ZBTB47: variants seen among roughly 807,000 people sequenced by gnomAD.
ZBTB47 encodes zinc finger and BTB domain containing 47.
ZBTB47 carries 24 observed loss-of-function variants against 56.6 expected under a neutral mutation model. The observed-to-expected ratio is 0.42, with a 90% CI of 0.31 to 0.60. ZBTB47 has a LOEUF of 0.60. ZBTB47 is among the 20% of genes least tolerant of loss of function. The pLI, the probability that ZBTB47 is intolerant of heterozygous loss-of-function variation, is 0.14. For synonymous variants in ZBTB47, 414 were observed against 418.9 expected (o/e 0.99, Z 0.14); for missense variants, 829 against 1,032.6 (o/e 0.80, Z 2.70).
chr3:42,664,326 A>C lies in ZBTB47; in HGVS notation c.1972A>C (p.Lys658Gln). The stretch of plus-strand genomic sequence containing the variant: ...GCACCGGCGCACGCACACGGGCGAG[A>C]AGCCGTACCCGTGCGACGTGTGTGG... ...KRHRRTHTGE[K>Q]PYPCDVCGQR... Residue 658 changes from lysine to glutamine, a missense_variant, in exon 6 of 6, where the codon AAG becomes CAG. Lys to Gln is a moderately conservative substitution (Grantham distance 53). Transcript: ENST00000232974. 6.2e-7 allele frequency: 1 copy of C among 1,613,246 alleles called. No homozygotes were observed. Among genetic ancestry groups the C allele is most frequent in the Non-Finnish European group, 8.5e-7 (1 of 1,179,744 alleles).
rs1045103349 is a variant in ZBTB47 at position 42,663,951 on chromosome 3, C to T, written c.1882+10C>T. On this transcript the variant is annotated intron_variant, in intron 5 of 5. Coordinates refer to ENST00000232974, the MANE Select transcript of ZBTB47 (RefSeq NM_145166.4). The surrounding 1 kb of genome is among the most constrained non-coding windows in gnomAD (Gnocchi z 5.1). Reference sequence around the variant, plus strand: ...ATGAAGACCCACACAGGTGCGGCTGCCCCTGGGGACGGAGCTCGGTGCCGG... The same window carrying T: ...ATGAAGACCCACACAGGTGCGGCTGTCCCTGGGGACGGAGCTCGGTGCCGG... The T allele has an allele frequency of 5.0e-6, 8 of 1,605,610 alleles. No individual in the cohort carries two copies. The highest frequency in any genetic ancestry group is 1.7e-5 in the Admixed American group (1 of 59,324).
chr3:42,653,640 G>C (rs1710596021), upstream of ZBTB47: 1 of 152,492 alleles, frequency 6.6e-6, no homozygotes, highest in Non-Finnish European at 1.5e-5. Context: ...GTCCATGCCA[G>C]AGCAGCATTC....
rs1261435205 is a variant in ZBTB47 at position 42,664,909 on chromosome 3, G to A, written c.*311G>A. 3 of 228,600 alleles carry A rather than the reference G, an allele frequency of 1.3e-5. No individual in the cohort carries two copies. The highest frequency in any genetic ancestry group is 8.7e-5 in the East Asian group (1 of 11,434). 14.2% of individuals were successfully genotyped at this position (228,600 alleles called of 1,614,324 possible). On this transcript the variant is annotated 3_prime_UTR_variant, in exon 6 of 6. Coordinates refer to ENST00000232974, the MANE Select transcript of ZBTB47 (RefSeq NM_145166.4). ...ACAGCACTCCCCTCCAGGTGAGGGG[G>A]GTGCTGGGGGTCTGCAGCAGAAAGA...
intron 2 of ZBTB47, among the ~76,000 whole-genome samples, chr3:42,661,035 G>A (rs1559607717): frequency 6.6e-6 from 1 of 152,176 alleles, no homozygotes; most frequent in Admixed American, 6.5e-5. Flanking sequence ...TCCTCTTGGC[G>A]ATATTCATGG....
chr3:42,665,789 G>A lies in ZBTB47; in HGVS notation c.*1191G>A, dbSNP rs11129967. 0.24 allele frequency: 36,594 copies of A among 152,632 alleles called. 5,004 individuals are homozygous for A. Among genetic ancestry groups the A allele is most frequent in the East Asian group, 0.39 (2,021 of 5,166 alleles). The allele number at this position is 152,632 out of a possible 1,614,324, so 9.5% of individuals were successfully genotyped here. A position where few individuals can be genotyped will look rare whatever the true frequency, so the allele number is the denominator to read the frequency against. ...GGGGGATTGGGGGGACTGGGGAGGC[G>A]CAGCCTAGACCCAATTGCTTGCCCC... is the stretch of plus-strand genomic sequence containing the variant. On this transcript the variant is annotated 3_prime_UTR_variant, in exon 6 of 6. Transcript: ENST00000232974.
At chr3:42,655,563 G>A (rs1468124793) in intron 1 of ZBTB47, among the ~76,000 whole-genome samples, 3 of 152,228 alleles carry the variant, frequency 2.0e-5, no homozygotes, top group Admixed American at 6.5e-5. Context: ...CACCTCCCTG[G>A]TCCTGCATCT....
chr3:42,658,445 A>C lies in ZBTB47; in HGVS notation c.90A>C (p.Ala30=), dbSNP rs1272339661. Residue 30 remains alanine (A), a synonymous_variant, in exon 2 of 6, where the codon GCA becomes GCC. Coordinates refer to ENST00000232974, the MANE Select transcript of ZBTB47 (RefSeq NM_145166.4). Reference sequence around the variant, plus strand: ...TGCCCCAGCGCAGCGTCTTTCCGGCACACAAGGGTGTGCTAGCCGCCTACA... The same window carrying C: ...TGCCCCAGCGCAGCGTCTTTCCGGCCCACAAGGGTGTGCTAGCCGCCTACA... The part of the protein sequence containing the change: ...VLVPQRSVFP[A]HKGVLAAYSQ... 6.5e-7 allele frequency: 1 copy of C among 1,536,976 alleles called. No homozygotes were observed. The highest frequency in any genetic ancestry group is 8.7e-7 in the Non-Finnish European group (1 of 1,146,914).
In ZBTB47 at chr3:42,664,719, T is replaced by A; in HGVS notation, c.*121T>A. ...CTGGGCCCTGCTCCACCTCCAGAAG[T>A]GGCTGGATGTACCCTGCCTGAGGCC... On this transcript the variant is annotated 3_prime_UTR_variant, in exon 6 of 6. Transcript: ENST00000232974. The A allele has an allele frequency of 8.3e-7, 1 of 1,204,932 alleles. No homozygotes were observed. Among genetic ancestry groups the A allele is most frequent in the Non-Finnish European group, 1.1e-6 (1 of 940,126 alleles). 74.6% of individuals were successfully genotyped at this position (1,204,932 alleles called of 1,614,324 possible).
In ZBTB47 at chr3:42,663,093, T is replaced by A. The variant is rs1194163145; in HGVS notation, c.1703T>A (p.Leu568Gln). Residue 568 changes from leucine to glutamine, a missense_variant, in exon 4 of 6, where the codon CTG becomes CAG. By Grantham distance (113) the Leu-to-Gln change is moderately radical. Coordinates refer to ENST00000232974, the MANE Select transcript of ZBTB47 (RefSeq NM_145166.4). The surrounding 1 kb of genome is among the most constrained non-coding windows in gnomAD (Gnocchi z 5.1). ...KRSMSLKVHSLQHSGEKPFRC... is the reference protein window; with the variant it reads ...KRSMSLKVHSQQHSGEKPFRC... ...AGCATGTCCCTCAAGGTGCACTCAC[T>A]GCAGCACTCAGGGGAGAAGCCGTTC... 6.2e-7 allele frequency: 1 copy of A among 1,613,890 alleles called. No homozygotes were observed. Among genetic ancestry groups the A allele is most frequent in the Non-Finnish European group, 8.5e-7 (1 of 1,179,782 alleles).
chr3:42,661,410 C>T (rs1036973338), intron 2 of ZBTB47, 75 bp from the exon 3 acceptor site: 39 of 1,527,636 alleles, frequency 2.6e-5, no homozygotes, highest in South Asian at 2.3e-4. Flanking sequence ...TGAGGCCAGA[C>T]GGGGGCAGTA....
chr3:42,662,954 A>G (rs575337194), intron 3 of ZBTB47, 58 bp from the exon 4 acceptor site: 2 of 1,339,588 alleles, frequency 1.5e-6, no homozygotes, highest in East Asian at 2.3e-5. Context: ...TCTGGGCCCA[A>G]CGTCGGGGTG....
chr3:42,656,848 G>A lies in ZBTB47; in HGVS notation c.-81-1427G>A, dbSNP rs1301845710. 1.3e-5 allele frequency among the ~76,000 whole-genome samples: 2 copies of A among 152,186 alleles called. No individual in the cohort carries two copies. Among genetic ancestry groups the A allele is most frequent in the Admixed American group, 1.3e-4 (2 of 15,284 alleles). On this transcript the variant is annotated intron_variant, in intron 1 of 5. Coordinates refer to ENST00000232974, the MANE Select transcript of ZBTB47 (RefSeq NM_145166.4). The surrounding 1 kb of genome is among the most constrained non-coding windows in gnomAD (Gnocchi z 5.8). ...GCGATGGAAGGCCTGGCATGGGGAAGGGGGGCGGTAGGCTGTGGATGGATG... is the reference window on the plus strand; with the variant it reads ...GCGATGGAAGGCCTGGCATGGGGAAAGGGGGCGGTAGGCTGTGGATGGATG...
chr3:42,654,748 A>C lies in ZBTB47; in HGVS notation c.-82+865A>C. The C allele has an allele frequency of 1.0e-6, 1 of 982,676 alleles. No individual in the cohort carries two copies. Among genetic ancestry groups the C allele is most frequent in the Non-Finnish European group, 1.2e-6 (1 of 828,766 alleles). 60.9% of individuals were successfully genotyped at this position (982,676 alleles called of 1,614,324 possible). A position where few individuals can be genotyped will look rare whatever the true frequency, so the allele number is the denominator to read the frequency against. On this transcript the variant is annotated intron_variant, in intron 1 of 5. Coordinates refer to ENST00000232974, the MANE Select transcript of ZBTB47 (RefSeq NM_145166.4). The surrounding 1 kb of genome is among the most constrained non-coding windows in gnomAD (Gnocchi z 5.0). ...CTTATCCGCCCACCTGCCAGCTCTGACCTCCCAGGCACACGGCCCGCGGGC... is the reference window on the plus strand; with the variant it reads ...CTTATCCGCCCACCTGCCAGCTCTGCCCTCCCAGGCACACGGCCCGCGGGC...
At position 42,659,774 on chromosome 3, in the gene ZBTB47, G is replaced by T; in HGVS notation, c.1419G>T (p.Leu473=). 2 of 1,613,596 alleles carry T rather than the reference G, an allele frequency of 1.2e-6. No homozygotes were observed. The highest frequency in any genetic ancestry group is 1.7e-6 in the Non-Finnish European group (2 of 1,179,690). The change falls in exon 2 of 6, where the codon CTG becomes CTT. Residue 473 remains leucine (L), a synonymous_variant. Transcript: ENST00000232974. Reference sequence around the variant, plus strand: ...GCGACCAGTGCGGCAAGCGCTTCCTGCTGGAGAGCGAGCTGCTGCTGCACA... The same window carrying T: ...GCGACCAGTGCGGCAAGCGCTTCCTTCTGGAGAGCGAGCTGCTGCTGCACA... ...QICDQCGKRF[L]LESELLLHRQ...
intron 1 of ZBTB47, among the ~76,000 whole-genome samples, chr3:42,655,630 G>A (rs1160896927): frequency 1.3e-5 from 2 of 152,236 alleles, no homozygotes; most frequent in Non-Finnish European, 2.9e-5. Context: ...GGAGGGGCAC[G>A]CATTGCTTCC....
At position 42,661,580 on chromosome 3, in the gene ZBTB47, G is replaced by A. The variant is rs749868194; in HGVS notation, c.1569G>A (p.Glu523=). 28 of 1,613,936 alleles carry A rather than the reference G, an allele frequency of 1.7e-5. No homozygotes were observed. In the Admixed American group the frequency reaches 4.2e-4, roughly 24 times the overall value. Reference sequence around the variant, plus strand: ...ACGCAGAGAAGAAGTTCTCATGCGAGATCTGTGAGAAGAAGTTCTACACCA... The same window carrying A: ...ACGCAGAGAAGAAGTTCTCATGCGAAATCTGTGAGAAGAAGTTCTACACCA... ...HGYAEKKFSC[E]ICEKKFYTMA... The change falls in exon 3 of 6, where the codon GAG becomes GAA. Residue 523 remains glutamate (E), a synonymous_variant. Transcript: ENST00000232974.
Position 42,664,344 on chromosome 3 carries a change from G to T in ZBTB47, c.1990G>T (p.Val664Leu), listed in dbSNP as rs756092042. Residue 664 changes from valine (V) to leucine (L), a missense_variant, in exon 6 of 6, where the codon GTG (valine) becomes TTG (leucine). Physicochemically the swap from Val to Leu is conservative, Grantham distance 32 (BLOSUM62 1). This residue lies in a region of ZBTB47 where 44 missense variants were observed against 76.7 expected (regional missense o/e 0.57). Transcript: ENST00000232974. The stretch of plus-strand genomic sequence containing the variant: ...GGGCGAGAAGCCGTACCCGTGCGAC[G>T]TGTGTGGCCAGCGCTTCCGCTTCTC... ...HTGEKPYPCD[V>L]CGQRFRFSNM... The T allele has an allele frequency of 6.2e-7, 1 of 1,612,840 alleles. No homozygotes were observed. Among genetic ancestry groups the T allele is most frequent in the Non-Finnish European group, 8.5e-7 (1 of 1,179,578 alleles).
chr3:42,659,303 A>AG lies in ZBTB47; in HGVS notation c.949dup (p.Glu317GlyfsTer8), dbSNP rs1559607090. ...GTGGCAGTCAGGGAGAAGAGGAAGA[A>AG]GAGGAGGAGGACGGGCACAGTGAGC... On this transcript the variant is annotated frameshift_variant, in exon 2 of 6. Transcript: ENST00000232974. LOFTEE classifies it high-confidence loss of function. The AG allele has an allele frequency of 6.8e-7, 1 of 1,478,076 alleles. No individual in the cohort carries two copies. The highest frequency in any genetic ancestry group is 2.0e-5 in the Admixed American group (1 of 50,580). The allele number at this position is 1,478,076 out of a possible 1,614,324, so 91.6% of individuals were successfully genotyped here.
At chr3:42,655,335 TG>T (rs1402258322) in intron 1 of ZBTB47, among the ~76,000 whole-genome samples, 1 of 152,100 alleles carries the variant, frequency 6.6e-6, no homozygotes, top group Non-Finnish European at 1.5e-5. Flanking sequence ...GGGGCGCAGA[TG>T]GACTCCCCAG....
Sources: allele counts gnomAD v4.1 joint callset (sites outside exome capture counted in the v4.1 genomes callset), GRCh38; gene constraint gnomAD v4.1.1; regional missense constraint gnomAD v4.1.1; non-coding constraint Gnocchi (gnomAD v3.1); transcripts MANE v1.5; gene names NCBI Gene and HGNC (gene_info 2026-07-23, HGNC 2026-07-21).